Variants in CORO2B observed in about 807,000 individuals in gnomAD.
CORO2B encodes the protein coronin 2B, also known as coronin-2B.
Under a neutral mutation model 58.8 loss-of-function variants are expected in CORO2B, and 26 were observed. That is an observed-to-expected ratio of 0.44 (90% CI 0.32 to 0.61). CORO2B has a LOEUF of 0.61. Among genes scored for constraint, CORO2B ranks in the 20% least tolerant of loss-of-function variants. The pLI, the probability that CORO2B is intolerant of heterozygous loss-of-function variation, is 0.04. For synonymous variants in CORO2B, 242 were observed against 253.8 expected (o/e 0.95, Z 0.44); for missense variants, 460 against 645.1 (o/e 0.71, Z 3.11).
At chr15:68,540,601 C>T in the CORO2B span, among the ~76,000 whole-genome samples, 1 of 152,364 alleles carries the variant, frequency 6.6e-6, no homozygotes, top group South Asian at 2.1e-4. Context: ...CTTTTGTATG[C>T]AGCAGAGCTG....
intron 8 of CORO2B, among the ~76,000 whole-genome samples, chr15:68,717,461 T>G (rs12592467): frequency 0.83 from 126,464 of 152,150 alleles, 55,762 homozygotes; most frequent in East Asian, 1. Context: ...GGGAGAACAG[T>G]GTGAATCCAG....
At chr15:68,548,174 A>AAT in the CORO2B span, among the ~76,000 whole-genome samples, 1,704 of 146,360 alleles carry the variant, frequency 0.012, 16 homozygotes, top group Middle Eastern at 0.042. Context: ...CCATCTTAAA[A>AAT]ATATATATAT....
chr15:68,590,349 G>A (rs142433787), intron 1 of CORO2B, among the ~76,000 whole-genome samples: 13 of 152,078 alleles, frequency 8.5e-5, no homozygotes, highest in African/African-American at 3.1e-4. Context: ...AAAGCTCTTC[G>A]GAGGCTGCCC....
At chr15:68,661,337 A>T (rs188222382) in intron 2 of CORO2B, among the ~76,000 whole-genome samples, 65 of 152,326 alleles carry the variant, frequency 4.3e-4, no homozygotes, top group Admixed American at 9.8e-4. Flanking sequence ...AGGCTGAATT[A>T]GAAACATTGT....
At chr15:68,518,707 C>T in the CORO2B span, among the ~76,000 whole-genome samples, 1 of 152,084 alleles carries the variant, frequency 6.6e-6, no homozygotes, top group Non-Finnish European at 1.5e-5. Context: ...CTAGGGTCCC[C>T]AGGGGCTTCC....
Position 68,645,906 on chromosome 15 carries a change from T to C in CORO2B, c.216+546T>C, listed in dbSNP as rs893108691. 7.9e-5 allele frequency among the ~76,000 whole-genome samples: 12 copies of C among 152,016 alleles called. No individual in the cohort carries two copies. The highest frequency in any genetic ancestry group is 2.2e-4 in the African/African-American group (9 of 41,390). ...CTCCTGCCTCAGCCTCCCGAGAAGCTGGGATTGCAGGCACGTGCCACCACG... is the reference window on the plus strand; with the variant it reads ...CTCCTGCCTCAGCCTCCCGAGAAGCCGGGATTGCAGGCACGTGCCACCACG... On this transcript the variant is annotated intron_variant, in intron 2 of 11. Coordinates refer to ENST00000261861, the MANE Select transcript of CORO2B (RefSeq NM_006091.5). The surrounding 1 kb of genome is among the most constrained non-coding windows in gnomAD (Gnocchi z 4.5).
At chr15:68,665,039 A>G (rs1595998951) in intron 2 of CORO2B, among the ~76,000 whole-genome samples, 1 of 152,130 alleles carries the variant, frequency 6.6e-6, no homozygotes, top group African/African-American at 2.4e-5. Flanking sequence ...ATCTTGGGCC[A>G]TAGTTAGAAA....
At chr15:68,680,247 C>T (rs546174635) in intron 2 of CORO2B, among the ~76,000 whole-genome samples, 14 of 152,248 alleles carry the variant, frequency 9.2e-5, no homozygotes, top group African/African-American at 3.4e-4. Flanking sequence ...TATAGACTGG[C>T]ATTGTGTTTG....
intron 1 of CORO2B, among the ~76,000 whole-genome samples, chr15:68,601,639 G>T (rs540785273): frequency 7.9e-5 from 12 of 152,326 alleles, no homozygotes; most frequent in African/African-American, 2.9e-4. Flanking sequence ...AGGAGGATTT[G>T]GCCAAGAGAA....
At chr15:68,612,770 G>A (rs1334767511) in intron 1 of CORO2B, among the ~76,000 whole-genome samples, 1 of 152,204 alleles carries the variant, frequency 6.6e-6, no homozygotes, top group African/African-American at 2.4e-5. Flanking sequence ...ATGAGGGAAT[G>A]GGGCAGGAAG....
At chr15:68,627,310 C>A (rs1416821968) in intron 1 of CORO2B, among the ~76,000 whole-genome samples, 1 of 152,022 alleles carries the variant, frequency 6.6e-6, no homozygotes, top group African/African-American at 2.4e-5. Context: ...GGAGTTAGAC[C>A]CGAACACAGG....
At chr15:68,709,422 G>A (rs1176927930) in intron 3 of CORO2B, among the ~76,000 whole-genome samples, 1 of 149,820 alleles carries the variant, frequency 6.7e-6, no homozygotes, top group African/African-American at 2.4e-5. Context: ...TACTAGCAAG[G>A]GTGGAGTTCA....
At position 68,632,298 on chromosome 15, in the gene CORO2B, G is replaced by A. The variant is rs1157977098; in HGVS notation, c.16-12862G>A. 4 of 985,372 alleles carry A rather than the reference G, an allele frequency of 4.1e-6. No individual in the cohort carries two copies. In the African/African-American group the frequency reaches 7.0e-5, roughly 17 times the overall value. The allele number at this position is 985,372 out of a possible 1,614,324, so 61.0% of individuals were successfully genotyped here. Reference sequence around the variant, plus strand: ...GGATGTGCAAAGAAGATACAAGTTTGTTTCCTCTGAAGCTTGTCTGGTGTC... The same window carrying A: ...GGATGTGCAAAGAAGATACAAGTTTATTTCCTCTGAAGCTTGTCTGGTGTC... On this transcript the variant is annotated intron_variant, in intron 1 of 11. Coordinates refer to ENST00000261861, the MANE Select transcript of CORO2B (RefSeq NM_006091.5).
At chr15:68,571,531 T>C in the CORO2B span, among the ~76,000 whole-genome samples, 61 of 152,294 alleles carry the variant, frequency 4.0e-4, no homozygotes, top group African/African-American at 1.3e-3. Flanking sequence ...CATGCACAGA[T>C]TGGAAAATAA....
At chr15:68,639,921 G>C (rs567083328) in intron 1 of CORO2B, among the ~76,000 whole-genome samples, 6 of 152,168 alleles carry the variant, frequency 3.9e-5, no homozygotes, top group Non-Finnish European at 2.9e-5. Flanking sequence ...GATCTGGGCA[G>C]GGCTTTAAGG....
Position 68,579,270 on chromosome 15 carries a change from TCA to T in CORO2B, c.11_12del (p.Thr4LysfsTer10). The stretch of plus-strand genomic sequence containing the variant: ...CCGCCGCGGAGTTTCTGCATGACTG[TCA>T]CAAAGGTAAGCGCCGCTCGCCCGCC... On this transcript the variant is annotated frameshift_variant, in exon 1 of 12. Coordinates refer to ENST00000261861, the MANE Select transcript of CORO2B (RefSeq NM_006091.5). LOFTEE classifies it high-confidence loss of function. 7.8e-7 allele frequency: 1 copy of T among 1,277,324 alleles called. No homozygotes were observed. Among genetic ancestry groups the T allele is most frequent in the Non-Finnish European group, 9.9e-7 (1 of 1,006,208 alleles). The allele number at this position is 1,277,324 out of a possible 1,614,324, so 79.1% of individuals were successfully genotyped here. A position where few individuals can be genotyped will look rare whatever the true frequency, so the allele number is the denominator to read the frequency against.
intron 2 of CORO2B, among the ~76,000 whole-genome samples, chr15:68,669,257 C>T (rs1053536350): frequency 1.1e-4 from 17 of 152,192 alleles, no homozygotes; most frequent in African/African-American, 4.1e-4. Flanking sequence ...CTGTTCACGC[C>T]CAGACCATGG....
intron 1 of CORO2B, among the ~76,000 whole-genome samples, chr15:68,629,828 GTGTGTGTGTGTC>G (rs1829521916): frequency 6.6e-6 from 1 of 152,034 alleles, no homozygotes; most frequent in South Asian, 2.1e-4. Context: ...GCATGTGTGT[GTGTGTGTGTGTC>G]TGTGTGTGTG....
chr15:68,593,476 A>G (rs1402729010), intron 1 of CORO2B, among the ~76,000 whole-genome samples: 1 of 152,152 alleles, frequency 6.6e-6, no homozygotes, highest in Non-Finnish European at 1.5e-5. Context: ...CCAGGTCTGG[A>G]TGTAGCCCTA....
Sources: gnomAD v4.1 joint callset for allele counts (sites outside exome capture counted in the v4.1 genomes callset) on GRCh38, gnomAD v4.1.1 for gene constraint, Gnocchi (gnomAD v3.1) non-coding constraint, MANE v1.5 for transcripts, NCBI Gene and HGNC (gene_info 2026-07-23, HGNC 2026-07-21) for gene names.